CMTR1: variants seen among roughly 807,000 people sequenced by gnomAD.
The protein encoded by CMTR1 is cap-specific mRNA (nucleoside-2'-O-)-methyltransferase 1.
CMTR1 carries 39 observed loss-of-function variants against 107.0 expected under a neutral mutation model. The ratio of observed to expected loss-of-function variants is 0.36; its 90% CI spans 0.28 to 0.48. CMTR1 has a LOEUF of 0.48. Ranked by LOEUF, CMTR1 falls within the 20% of genes least tolerant of loss-of-function variation. The pLI, the probability that CMTR1 is intolerant of heterozygous loss-of-function variation, is 0.99. For missense variants in CMTR1, 672 were observed against 1,064.9 expected, an observed-to-expected ratio of 0.63 and a Z score of 5.14; for synonymous variants, 366 against 379.5, an observed-to-expected ratio of 0.96 and a Z score of 0.41.
At chr6:37,438,788 C>T (rs982707708) in intron 2 of CMTR1, among the ~76,000 whole-genome samples, 7 of 152,218 alleles carry the variant, frequency 4.6e-5, no homozygotes, top group Non-Finnish European at 7.3e-5. Context: ...CACCTATGTT[C>T]TGTATCTAAT....
At chr6:37,471,468 T>G (rs1005273735) in intron 14 of CMTR1, among the ~76,000 whole-genome samples, 1 of 152,068 alleles carries the variant, frequency 6.6e-6, no homozygotes, top group African/African-American at 2.4e-5. Flanking sequence ...AATTCAGCTT[T>G]GTGGGGCATG....
chr6:37,453,016 A>G, intron 6 of CMTR1, 31 bp from the exon 7 acceptor site: 1 of 1,606,998 alleles, frequency 6.2e-7, no homozygotes, highest in Non-Finnish European at 8.5e-7. Context: ...CTATCCTGGA[A>G]TTCACCTTGA....
At chr6:37,461,670 C>T (rs747112575) in intron 11 of CMTR1, 25 bp downstream of exon 11, 12 of 1,460,560 alleles carry the variant, frequency 8.2e-6, no homozygotes, top group Middle Eastern at 1.8e-4. Flanking sequence ...GCTGTCTCCT[C>T]ACCCCAGGAC....
intron 13 of CMTR1, among the ~76,000 whole-genome samples, chr6:37,466,186 C>T (rs1761508909): frequency 6.8e-6 from 1 of 146,562 alleles, no homozygotes; most frequent in East Asian, 2.0e-4. Context: ...AATCTCGGCT[C>T]ACTGCAACCT....
At chr6:37,430,955 G>GT (rs373662980), upstream of CMTR1, among the ~76,000 whole-genome samples, 7 of 148,962 alleles carry the variant, frequency 4.7e-5, no homozygotes, top group African/African-American at 1.7e-4. Context: ...GGTGCTTGCA[G>GT]TGAGCGGAGA....
intron 22 of CMTR1, among the ~76,000 whole-genome samples, chr6:37,478,759 G>A (rs1332418589): frequency 2.0e-5 from 3 of 152,148 alleles, no homozygotes; most frequent in Admixed American, 1.3e-4. Flanking sequence ...TTGTACACAC[G>A]CACGTGTTGT....
chr6:37,475,350 C>G lies in CMTR1; in HGVS notation c.1974C>G (p.Ile658Met). Residue 658 changes from isoleucine (I) to methionine (M), a missense_variant, in exon 19 of 24, where the codon ATC (isoleucine) becomes ATG (methionine). Coordinates refer to ENST00000373451, the MANE Select transcript of CMTR1 (RefSeq NM_015050.3). Reference protein sequence around the residue: ...EGKAQRKISAIHILDVLVLNG... With the variant: ...EGKAQRKISAMHILDVLVLNG... ...AGGCCCAGAGGAAGATCAGTGCCAT[C>G]CACATCCTCGATGTCCTTGTGCTGA... 3 of 1,614,052 alleles carry G rather than the reference C, an allele frequency of 1.9e-6. No individual in the cohort carries two copies. Among genetic ancestry groups the G allele is most frequent in the Non-Finnish European group, 2.5e-6 (3 of 1,179,978 alleles).
intron 6 of CMTR1, 97 bp downstream of exon 6, chr6:37,451,974 A>T (rs1761182736): frequency 1.0e-6 from 1 of 989,746 alleles, no homozygotes; most frequent in Non-Finnish European, 1.5e-6. Context: ...TGGGAAGCTA[A>T]AGTTAAGATT....
chr6:37,451,745 A>C (rs1320645368), intron 5 of CMTR1, 61 bp from the exon 6 acceptor site: 1 of 1,286,704 alleles, frequency 7.8e-7, no homozygotes, highest in African/African-American at 1.5e-5. Context: ...TAATTTCTTC[A>C]TTCATCCCCG....
At chr6:37,465,183 G>T (rs1156517954) in intron 13 of CMTR1, among the ~76,000 whole-genome samples, 1 of 151,588 alleles carries the variant, frequency 6.6e-6, no homozygotes, top group African/African-American at 2.4e-5. Context: ...CAGGAGAATC[G>T]CTTGAACCCG....
At position 37,446,398 on chromosome 6, in the gene CMTR1, A is replaced by G. The variant is rs750060820; in HGVS notation, c.393A>G (p.Thr131=). 6.2e-7 allele frequency: 1 copy of G among 1,614,022 alleles called. No homozygotes were observed. Among genetic ancestry groups the G allele is most frequent in the Non-Finnish European group, 8.5e-7 (1 of 1,180,022 alleles). ...SQKGRRGLGL[T]LRGFDQELNV... is the part of the protein sequence containing the mutation. The stretch of plus-strand genomic sequence containing the variant: ...AAGGTCGAAGAGGCTTGGGTCTGAC[A>G]CTCCGGGGCTTTGACCAGGAGCTGA... The change falls in exon 4 of 24, where the codon ACA becomes ACG. Residue 131 remains threonine, a synonymous_variant. Transcript: ENST00000373451.
intron 13 of CMTR1, among the ~76,000 whole-genome samples, chr6:37,467,663 G>A (rs914439376): frequency 6.6e-6 from 1 of 152,106 alleles, no homozygotes; most frequent in Non-Finnish European, 1.5e-5. Context: ...GTACATTTAA[G>A]ATAGTTTTGT....
intron 3 of CMTR1, 144 bp downstream of exon 3, chr6:37,444,294 C>A: frequency 1.0e-6 from 1 of 978,668 alleles, no homozygotes; most frequent in Non-Finnish European, 1.5e-6. Flanking sequence ...GAGTGTGACC[C>A]ACTTCTTGAT....
rs202133832 is a variant in CMTR1 at position 37,471,894 on chromosome 6, G to A, written c.1610G>A (p.Arg537Gln). The change falls in exon 15 of 24, where the codon CGA (arginine) becomes CAA (glutamine). Residue 537 changes from arginine to glutamine, a missense_variant. Physicochemically the swap from Arg to Gln is conservative, Grantham distance 43. Transcript: ENST00000373451. ...GCAGAGATACGGAAGGAGTGCCTCC[G>A]ACTCTGGGGGGTGAGTATCTCCCCC... ...RQAEIRKECL[R>Q]LWGIPDQARV... is the part of the protein sequence containing the mutation. 20 of 1,613,240 alleles carry A rather than the reference G, an allele frequency of 1.2e-5. No homozygotes were observed. The highest frequency in any genetic ancestry group is 6.7e-5 in the East Asian group (3 of 44,888).
In CMTR1 at chr6:37,474,643, G is replaced by A. The variant is rs1581753583; in HGVS notation, c.1941G>A (p.Gly647=). The A allele has an allele frequency of 6.2e-7, 1 of 1,613,724 alleles. No individual in the cohort carries two copies. Among genetic ancestry groups the A allele is most frequent in the East Asian group, 2.2e-5 (1 of 44,866 alleles). The part of the protein sequence containing the change: ...LSVEIVHELK[G]EGKAQRKISA... ...TGGAAATTGTGCATGAGCTGAAAGG[G>A]GAGGTCAGAGATGGTTCTGCTCAGG... Residue 647 remains glycine, a synonymous_variant, in exon 18 of 24, where the codon GGG becomes GGA. Transcript: ENST00000373451.
intron 4 of CMTR1, among the ~76,000 whole-genome samples, chr6:37,449,271 T>TGTTATGTTATGTTA (rs1771878720): frequency 2.1e-5 from 3 of 145,246 alleles, no homozygotes; most frequent in Non-Finnish European, 3.0e-5. Flanking sequence ...ATTTTATGTT[T>TGTTATGTTATGTTA]TGTTATGTTA....
Position 37,450,267 on chromosome 6 carries a change from A to G in CMTR1, c.461A>G (p.Gln154Arg). ...TGTTTGCAGCCCAGTGCTTGTGAGC[A>G]GGTGTCATGGTTTCCAGAATGTACC... The part of the protein sequence containing the change: ...RDEPEPSACE[Q>R]VSWFPECTTE... Residue 154 changes from glutamine to arginine, a missense_variant, in exon 5 of 24, where the codon CAG becomes CGG. By Grantham distance (43) the Gln-to-Arg change is conservative (BLOSUM62 1). Transcript: ENST00000373451. 1 of 1,614,108 alleles carries G rather than the reference A, an allele frequency of 6.2e-7. No homozygotes were observed.
At position 37,480,416 on chromosome 6, in the gene CMTR1, G is replaced by A; in HGVS notation, c.*271G>A. The A allele has an allele frequency of 7.8e-7, 1 of 1,288,344 alleles. No homozygotes were observed. The highest frequency in any genetic ancestry group is 1.9e-5 in the South Asian group (1 of 53,548). 79.8% of individuals were successfully genotyped at this position (1,288,344 alleles called of 1,614,324 possible). ...AAGCTGCTCCTGAGGCAGGTATGAG[G>A]TCAGTGCCTAGGGCACGTGGGACTG... On this transcript the variant is annotated 3_prime_UTR_variant, in exon 24 of 24. Coordinates refer to ENST00000373451, the MANE Select transcript of CMTR1 (RefSeq NM_015050.3).
chr6:37,465,139 A>G (rs963993325), intron 13 of CMTR1, among the ~76,000 whole-genome samples: 5 of 151,876 alleles, frequency 3.3e-5, no homozygotes, highest in Non-Finnish European at 5.9e-5. Context: ...ATGGTGGCGC[A>G]TGTCTGTAAT....
Sources: gnomAD v4.1 joint callset for allele counts (sites outside exome capture counted in the v4.1 genomes callset) on GRCh38, gnomAD v4.1.1 for gene constraint, MANE v1.5 for transcripts, NCBI Gene and HGNC (gene_info 2026-07-23, HGNC 2026-07-21) for gene names.